The following USH2A variants were observed in gnomAD, a reference collection of about 807,000 sequenced individuals.
USH2A encodes usherin, also known as Usher syndrome 2A (autosomal recessive, mild).
In USH2A, 443 loss-of-function variants were observed where a neutral mutation model predicts 538.9. That is an observed-to-expected ratio of 0.82 (90% confidence interval 0.76 to 0.89). USH2A has a LOEUF of 0.89. USH2A is among the 40% of genes least tolerant of loss of function. The pLI is 0.00. For missense variants in USH2A, 6,633 were observed against 6,324.8 expected (o/e 1.05, Z -1.65); for synonymous variants, 2,413 against 2,273.5 (o/e 1.06, Z -1.75).
chr1:216,095,517 T>C (rs186356044), intron 22 of USH2A, among the ~76,000 whole-genome samples: 17 of 152,272 alleles, frequency 1.1e-4, no homozygotes, highest in African/African-American at 3.1e-4. Flanking sequence ...TTAGGTGTGA[T>C]GCTATTTCCT....
rs966653189 is a variant in USH2A, at chr1:216,028,791, A to T, written c.6325+17640T>A. Among the ~76,000 whole-genome samples the T allele has an allele frequency of 5.9e-5, 9 of 152,210 alleles. No homozygotes were observed. The South Asian group carries it at 1.9e-3, about 32-fold the overall frequency. ...ACATTTGTGGTATTAATTTTAAAAA[A>T]CTTAAAATGCACATACACAAAATGT... On this transcript the variant is annotated intron_variant, in intron 32 of 71. Coordinates refer to ENST00000307340, the MANE Select transcript of USH2A (RefSeq NM_206933.4).
chr1:216,279,532 G>A (rs893502797), intron 11 of USH2A, among the ~76,000 whole-genome samples: 6 of 152,070 alleles, frequency 3.9e-5, no homozygotes, highest in South Asian at 2.1e-4. Flanking sequence ...ACAGACAGGC[G>A]GCAATTGTAT....
chr1:216,017,155 T>C (rs1024502799), intron 32 of USH2A, among the ~76,000 whole-genome samples: 1 of 152,052 alleles, frequency 6.6e-6, no homozygotes, highest in African/African-American at 2.4e-5. Context: ...CATCCATCCA[T>C]CCCTTCCTCC....
chr1:215,900,156 CTG>C lies in USH2A; in HGVS notation c.7511_7512del (p.Thr2504ArgfsTer17). 1 of 1,613,672 alleles carries C rather than the reference CTG, an allele frequency of 6.2e-7. No homozygotes were observed. Among genetic ancestry groups the C allele is most frequent in the Non-Finnish European group, 8.5e-7 (1 of 1,179,734 alleles). On this transcript the variant is annotated frameshift_variant, in exon 40 of 72. Transcript: ENST00000307340. LOFTEE classifies it high-confidence loss of function. ...GAGGCAACCAACCGAAACATATACT[CTG>C]TGTACGGTTGGAGATCACTCACTTC... ...SYEVSDLQPYTEYMFRLVASN... is the reference protein window; with the variant it reads ...SYEVSDLQPYXEYMFRLVASN...
intron 27 of USH2A, among the ~76,000 whole-genome samples, chr1:216,073,565 A>G (rs1455997578): frequency 6.6e-6 from 1 of 152,138 alleles, no homozygotes; most frequent in African/African-American, 2.4e-5. Flanking sequence ...CATTTATTTT[A>G]CCTCCTTAGG....
At chr1:216,402,073 G>C (rs2039314982) in intron 3 of USH2A, among the ~76,000 whole-genome samples, 1 of 152,050 alleles carries the variant, frequency 6.6e-6, no homozygotes, top group African/African-American at 2.4e-5. Flanking sequence ...ATCTGTGTTT[G>C]TGTGCGTGTG....
chr1:216,053,966 ACT>A (rs1571920289), intron 30 of USH2A, among the ~76,000 whole-genome samples: 1 of 152,026 alleles, frequency 6.6e-6, no homozygotes, highest in East Asian at 1.9e-4. Context: ...ATGGCTCCAA[ACT>A]CTGTGCACTC....
intron 38 of USH2A, among the ~76,000 whole-genome samples, chr1:215,926,820 C>T (rs1309576728): frequency 3.3e-5 from 5 of 151,888 alleles, no homozygotes; most frequent in Non-Finnish European, 5.9e-5. Context: ...GTTGGTCAGG[C>T]TGGTCTCGAA....
chr1:216,021,233 C>T (rs1668837599), intron 32 of USH2A, among the ~76,000 whole-genome samples: 1 of 152,168 alleles, frequency 6.6e-6, no homozygotes, highest in African/African-American at 2.4e-5. Context: ...CAGATCTCAT[C>T]TTGAATTGTA....
intron 36 of USH2A, among the ~76,000 whole-genome samples, chr1:215,967,316 C>T (rs1667371461): frequency 6.6e-6 from 1 of 152,010 alleles, no homozygotes; most frequent in South Asian, 2.1e-4. Context: ...CTGCAGGCGC[C>T]CGCCACCACA....
intron 23 of USH2A, among the ~76,000 whole-genome samples, chr1:216,087,572 A>T (rs968190565): frequency 6.6e-6 from 1 of 151,906 alleles, no homozygotes; most frequent in Admixed American, 6.6e-5. Flanking sequence ...GACTATTCAG[A>T]CTCAAGCAGC....
chr1:215,641,794 T>A (rs1656693591), intron 67 of USH2A, among the ~76,000 whole-genome samples: 1 of 152,224 alleles, frequency 6.6e-6, no homozygotes, highest in Admixed American at 6.5e-5. Context: ...ATTATGCTTT[T>A]GTAATTGTAA....
intron 49 of USH2A, among the ~76,000 whole-genome samples, chr1:215,806,430 C>T (rs1008328512): frequency 1.3e-5 from 2 of 152,000 alleles, no homozygotes; most frequent in African/African-American, 2.4e-5. Context: ...TACCTGATGC[C>T]TTTGTTATCA....
Position 215,900,174 on chromosome 1 carries a change from C to A in USH2A, c.7495G>T (p.Asp2499Tyr), listed in dbSNP as rs1665452008. 1 of 1,613,384 alleles carries A rather than the reference C, an allele frequency of 6.2e-7. No homozygotes were observed. Among genetic ancestry groups the A allele is most frequent in the Non-Finnish European group, 8.5e-7 (1 of 1,179,720 alleles). ...ATATACTCTGTGTACGGTTGGAGATCACTCACTTCATAGCTTAACGATGCA... is the reference window on the plus strand; with the variant it reads ...ATATACTCTGTGTACGGTTGGAGATAACTCACTTCATAGCTTAACGATGCA... ...PSASLSYEVSDLQPYTEYMFR... is the reference protein window; with the variant it reads ...PSASLSYEVSYLQPYTEYMFR... The change falls in exon 40 of 72, where the codon GAT (aspartate) becomes TAT (tyrosine). Residue 2499 changes from aspartate to tyrosine, a missense_variant. Physicochemically the swap from Asp to Tyr is radical, Grantham distance 160. Transcript: ENST00000307340.
At chr1:216,089,314 C>T (rs564749696) in intron 22 of USH2A, among the ~76,000 whole-genome samples, 175 bp from the exon 23 acceptor site, 83 of 152,192 alleles carry the variant, frequency 5.5e-4, no homozygotes, top group South Asian at 1.2e-3. Context: ...TTCTGGCTTT[C>T]CTGTGATGTA....
At chr1:216,145,924 C>A (rs375278566) in intron 21 of USH2A, among the ~76,000 whole-genome samples, 1 of 152,050 alleles carries the variant, frequency 6.6e-6, no homozygotes, top group African/African-American at 2.4e-5. Context: ...TCCTATAAAA[C>A]GGCCCCACCC....
intron 20 of USH2A, among the ~76,000 whole-genome samples, chr1:216,185,643 C>T (rs1024136418): frequency 4.6e-5 from 7 of 151,748 alleles, no homozygotes; most frequent in African/African-American, 1.7e-4. Context: ...CTCCAAATTG[C>T]AATGTTAATA....
Position 215,674,689 on chromosome 1 carries a change from C to A in USH2A, c.13222G>T (p.Val4408Phe), listed in dbSNP as rs111033500. ...SLAGQGLCLL[V>F]SHLQPYSQYN... The stretch of plus-strand genomic sequence containing the variant: ...TGAGAGTAAGGCTGCAGGTGGGAAA[C>A]CAGCAGGCACAGGCCCTGGCCAGCA... Residue 4408 changes from valine (V) to phenylalanine (F), a missense_variant, in exon 63 of 72, where the codon GTT becomes TTT. By Grantham distance (50) the Val-to-Phe change is conservative. Coordinates refer to ENST00000307340, the MANE Select transcript of USH2A (RefSeq NM_206933.4). 3.7e-6 allele frequency: 6 copies of A among 1,613,994 alleles called. No homozygotes were observed. The African/African-American group carries it at 6.7e-5, about 18-fold the overall frequency.
intron 3 of USH2A, among the ~76,000 whole-genome samples, chr1:216,394,932 A>C (rs1473530361): frequency 6.6e-6 from 1 of 151,826 alleles, no homozygotes; most frequent in African/African-American, 2.4e-5. Flanking sequence ...GTTAGCCAGG[A>C]TGGTCTCGCT....
Sources: allele counts gnomAD v4.1 joint callset (sites outside exome capture counted in the v4.1 genomes callset), GRCh38; gene constraint gnomAD v4.1.1; transcripts MANE v1.5; gene names NCBI Gene and HGNC (gene_info 2026-07-23, HGNC 2026-07-21).